The following RTN4IP1 variants were observed in gnomAD, a reference collection of about 807,000 sequenced individuals.
The protein encoded by RTN4IP1 is reticulon 4 interacting protein 1.
In RTN4IP1, 32 loss-of-function variants were observed where a neutral mutation model predicts 46.6. The ratio of observed to expected loss-of-function variants is 0.69; its 90% CI spans 0.52 to 0.92. The LOEUF (loss-of-function observed/expected upper bound fraction) is 0.92. Among genes scored for constraint, RTN4IP1 ranks in the 40% least tolerant of loss-of-function variants. The pLI is 0.00. For missense variants in RTN4IP1, 424 were observed against 485.8 expected (o/e 0.87, Z 1.20); for synonymous variants, 167 against 161.8 (o/e 1.03, Z -0.24).
intron 8 of RTN4IP1, among the ~76,000 whole-genome samples, chr6:106,575,290 C>T (rs549476277): frequency 5.9e-5 from 9 of 152,322 alleles, no homozygotes; most frequent in Admixed American, 3.9e-4. Flanking sequence ...CGGCCAGGGA[C>T]GCTCACAGCA....
intron 7 of RTN4IP1, among the ~76,000 whole-genome samples, chr6:106,584,879 A>G (rs1358974291): frequency 6.6e-6 from 1 of 152,272 alleles, no homozygotes; most frequent in African/African-American, 2.4e-5. Context: ...CGTCTAACCC[A>G]GAAAACCTGT....
At chr6:106,604,737 T>C (rs1206007974) in intron 4 of RTN4IP1, among the ~76,000 whole-genome samples, 2 of 152,082 alleles carry the variant, frequency 1.3e-5, no homozygotes, top group African/African-American at 4.8e-5. Context: ...TCAAAATAAT[T>C]TGCTCTTCCT....
intron 7 of RTN4IP1, among the ~76,000 whole-genome samples, chr6:106,585,956 G>C (rs1490366209): frequency 2.6e-5 from 4 of 152,104 alleles, no homozygotes; most frequent in African/African-American, 9.7e-5. Context: ...AAGAGACAAG[G>C]GACAGCTAAG....
At chr6:106,603,641 T>C (rs543292125) in intron 4 of RTN4IP1, among the ~76,000 whole-genome samples, 1 of 152,254 alleles carries the variant, frequency 6.6e-6, no homozygotes, top group East Asian at 1.9e-4. Context: ...CATGTAAAAT[T>C]TGTGCGATGA....
chr6:106,574,929 A>C (rs1316775857), intron 8 of RTN4IP1, among the ~76,000 whole-genome samples: 1 of 152,234 alleles, frequency 6.6e-6, no homozygotes, highest in Non-Finnish European at 1.5e-5. Context: ...AGGGCTGACC[A>C]CGGCACAATG....
At chr6:106,613,255 C>T (rs1421748869) in intron 4 of RTN4IP1, among the ~76,000 whole-genome samples, 1 of 152,072 alleles carries the variant, frequency 6.6e-6, no homozygotes, top group East Asian at 1.9e-4. Context: ...GTTAAGTTAT[C>T]CCTAGCTGTC....
At chr6:106,583,294 A>T in intron 8 of RTN4IP1, 34 bp downstream of exon 8, 1 of 1,562,908 alleles carries the variant, frequency 6.4e-7, no homozygotes, top group Non-Finnish European at 8.8e-7. Flanking sequence ...TAGAAATACA[A>T]AGGCTTCCAA....
rs149155729 is a variant in RTN4IP1 at position 106,590,796 on chromosome 6, G to A, written c.806+1368C>T. On this transcript the variant is annotated intron_variant, in intron 6 of 8. Coordinates refer to ENST00000369063, the MANE Select transcript of RTN4IP1 (RefSeq NM_032730.5). ...CCAGATCTCAGAGACCTGTCATGTC[G>A]TCACTCTCAAGGCGCCCAAAGAGGC... is the stretch of plus-strand genomic sequence containing the variant. Among the ~76,000 whole-genome samples the A allele has an allele frequency of 5.4e-3, 796 of 148,758 alleles. 7 individuals carry two copies. The highest frequency in any genetic ancestry group is 0.012 in the African/African-American group (486 of 40,718).
In RTN4IP1 at chr6:106,587,661, C is replaced by A; in HGVS notation, c.990+18G>T. 6.3e-7 allele frequency: 1 copy of A among 1,597,574 alleles called. No individual in the cohort carries two copies. On this transcript the variant is annotated intron_variant, in intron 7 of 8. Coordinates refer to ENST00000369063, the MANE Select transcript of RTN4IP1 (RefSeq NM_032730.5). ...CAGGAGGCTGCCTGCAGTCACCAAC[C>A]AAGACCCTTCTTCCTACCTTTAATG... is the stretch of plus-strand genomic sequence containing the variant.
At chr6:106,630,206 G>A (rs1231639411), upstream of RTN4IP1, among the ~76,000 whole-genome samples, 1 of 152,182 alleles carries the variant, frequency 6.6e-6, no homozygotes, top group Non-Finnish European at 1.5e-5. Flanking sequence ...TGTCCTGGAC[G>A]TCGTGTTTGA....
At chr6:106,590,960 T>C (rs989412183) in intron 6 of RTN4IP1, among the ~76,000 whole-genome samples, 3 of 152,158 alleles carry the variant, frequency 2.0e-5, no homozygotes, top group Non-Finnish European at 4.4e-5. Flanking sequence ...ATTGTTCTCC[T>C]AGATTCCCTC....
intron 8 of RTN4IP1, among the ~76,000 whole-genome samples, chr6:106,581,011 G>GTA (rs1292929575): frequency 6.7e-6 from 1 of 149,140 alleles, no homozygotes; most frequent in African/African-American, 2.5e-5. Flanking sequence ...TTGCAGCACA[G>GTA]TATGTTATCC....
chr6:106,623,208 C>G (rs990718207), intron 1 of RTN4IP1, among the ~76,000 whole-genome samples: 1 of 152,104 alleles, frequency 6.6e-6, no homozygotes, highest in African/African-American at 2.4e-5. Flanking sequence ...ACATACACAC[C>G]ATGGAATACT....
intron 5 of RTN4IP1, among the ~76,000 whole-genome samples, chr6:106,593,609 G>C (rs1316410524): frequency 6.6e-6 from 1 of 152,120 alleles, no homozygotes; most frequent in African/African-American, 2.4e-5. Flanking sequence ...GTTCACTATT[G>C]AATCCCTACT....
rs546724483 is a variant in RTN4IP1, at chr6:106,583,542, A to T, written c.991-122T>A. 3 of 732,602 alleles carry T rather than the reference A, an allele frequency of 4.1e-6. No individual in the cohort carries two copies. The Admixed American group carries it at 6.6e-5, about 16-fold the overall frequency. 45.4% of individuals were successfully genotyped at this position (732,602 alleles called of 1,614,324 possible). A position where few individuals can be genotyped will look rare whatever the true frequency, so the allele number is the denominator to read the frequency against. On this transcript the variant is annotated intron_variant, in intron 7 of 8. Transcript: ENST00000369063. ...AACTGATTTCTCATTTCATGCTGAC[A>T]AAATGTGTGCACAGCACCTTGGCAC...
chr6:106,613,855 A>G (rs535177181), intron 4 of RTN4IP1, among the ~76,000 whole-genome samples: 1 of 152,294 alleles, frequency 6.6e-6, no homozygotes, highest in East Asian at 1.9e-4. Context: ...ACAACCCCTT[A>G]TCTTAACCCA....
In RTN4IP1 at chr6:106,570,832, A is replaced by G. The variant is rs1775037574; in HGVS notation, c.*1164T>C. On this transcript the variant is annotated 3_prime_UTR_variant, in exon 9 of 9. Coordinates refer to ENST00000369063, the MANE Select transcript of RTN4IP1 (RefSeq NM_032730.5). ...AGAGAAAAGCCTACATCTAACATAC[A>G]TGCTACCAAACGAGTGTCTAACAGG... The G allele has an allele frequency of 6.6e-6, 1 of 152,184 alleles. No homozygotes were observed. Among genetic ancestry groups the G allele is most frequent in the Admixed American group, 6.5e-5 (1 of 15,276 alleles). 9.4% of individuals were successfully genotyped at this position (152,184 alleles called of 1,614,324 possible).
rs551600134 is a variant in RTN4IP1, at chr6:106,609,167, T to G, written c.621-6245A>C. ...ACACATCCTACTTCCCAACTTATTC[T>G]GCAAGCTCTTAAGGTCAGAGACTTC... On this transcript the variant is annotated intron_variant, in intron 4 of 8. Transcript: ENST00000369063. Among the ~76,000 whole-genome samples, 26 of 152,364 alleles carry G rather than the reference T, an allele frequency of 1.7e-4. 1 individual carries two copies. The South Asian group carries it at 5.4e-3, about 32-fold the overall frequency.
At chr6:106,582,013 G>C (rs1775383536) in intron 8 of RTN4IP1, among the ~76,000 whole-genome samples, 1 of 152,138 alleles carries the variant, frequency 6.6e-6, no homozygotes, top group African/African-American at 2.4e-5. Flanking sequence ...CCCCACAAAG[G>C]AGGAGTTACA....
Sources: allele counts gnomAD v4.1 joint callset (sites outside exome capture counted in the v4.1 genomes callset), GRCh38; gene constraint gnomAD v4.1.1; transcripts MANE v1.5; gene names NCBI Gene and HGNC (gene_info 2026-07-23, HGNC 2026-07-21).